The following THAP8 variants were observed in gnomAD, a reference collection of about 807,000 sequenced individuals.
The protein encoded by THAP8 is THAP domain containing 8, also known as THAP domain-containing protein 8.
A neutral mutation model predicts 25.0 loss-of-function variants in THAP8; 24 were observed. The observed-to-expected ratio is 0.96, with a 90% CI of 0.69 to 1.35. The LOEUF (loss-of-function observed/expected upper bound fraction) is 1.35. Ranked by LOEUF, THAP8 falls within the 40% of genes most tolerant of loss-of-function variation. The pLI is 0.00. For synonymous variants in THAP8, 169 were observed against 157.6 expected (o/e 1.07, Z -0.54); for missense variants, 399 against 368.8 (o/e 1.08, Z -0.67).
chr19:36,054,231 C>A lies in THAP8; in HGVS notation c.-14G>T. ...GTACTTGGGCATGGCTATCCAGCCC[C>A]CGCTGAGTTTTGCCGGGTCAGCGGC... On this transcript the variant is annotated 5_prime_UTR_variant, in exon 1 of 4. Coordinates refer to ENST00000292894, the MANE Select transcript of THAP8 (RefSeq NM_152658.3). 6.2e-7 allele frequency: 1 copy of A among 1,612,216 alleles called. No homozygotes were observed. Among genetic ancestry groups the A allele is most frequent in the Non-Finnish European group, 8.5e-7 (1 of 1,179,238 alleles).
chr19:36,041,038 C>T (rs1229441019), intron 1 of THAP8, among the ~76,000 whole-genome samples: 2 of 151,562 alleles, frequency 1.3e-5, no homozygotes, highest in Non-Finnish European at 2.9e-5. Context: ...TCAGGCATGG[C>T]GGTTCATGCC....
intron 1 of THAP8, among the ~76,000 whole-genome samples, chr19:36,047,218 A>G (rs1267243886): frequency 6.6e-6 from 1 of 152,132 alleles, no homozygotes; most frequent in Non-Finnish European, 1.5e-5. Flanking sequence ...ATACTGCTAG[A>G]AGTCCTTTTT....
intron 1 of THAP8, among the ~76,000 whole-genome samples, chr19:36,049,250 A>C (rs1173891192): frequency 6.6e-6 from 1 of 151,302 alleles, no homozygotes; most frequent in Non-Finnish European, 1.5e-5. Context: ...TGAAAAAAAC[A>C]AAAAAAAAGG....
At chr19:36,054,611 A>G (rs550625042), upstream of THAP8, 541 of 539,336 alleles carry the variant, frequency 1.0e-3, 1 homozygote, top group Non-Finnish European at 1.5e-3. Context: ...GGGCGCACAT[A>G]GTTCCTCTAG....
At chr19:36,040,598 A>G (rs1184137325) in intron 1 of THAP8, among the ~76,000 whole-genome samples, 1 of 152,094 alleles carries the variant, frequency 6.6e-6, no homozygotes, top group African/African-American at 2.4e-5. Flanking sequence ...AAGTGCTAGG[A>G]TTATAGGCAT....
rs115741060 is a variant in THAP8 at position 36,043,323 on chromosome 19, G to A, written c.84-3187C>T. Among the ~76,000 whole-genome samples, 379 of 152,236 alleles carry A rather than the reference G, an allele frequency of 2.5e-3. 2 individuals carry two copies. Among genetic ancestry groups the A allele is most frequent in the African/African-American group, 8.7e-3 (363 of 41,548 alleles). On this transcript the variant is annotated intron_variant, in intron 1 of 3. Transcript: ENST00000292894. ...TGAAATAAGCCAGTCAAATACTGAC[G>A]ATTTCACTTATATGAGGTAGAACAG... is the stretch of plus-strand genomic sequence containing the variant.
chr19:36,048,800 A>T (rs1344449283), intron 1 of THAP8, among the ~76,000 whole-genome samples: 1 of 141,662 alleles, frequency 7.1e-6, no homozygotes, highest in East Asian at 2.3e-4. Context: ...GTGAACCATG[A>T]TGGTGCTGCA....
intron 1 of THAP8, among the ~76,000 whole-genome samples, chr19:36,040,911 C>A (rs1455515893): frequency 1.3e-5 from 2 of 152,092 alleles, no homozygotes; most frequent in Non-Finnish European, 2.9e-5. Context: ...TAAGAAACAT[C>A]AGCACAAACG....
At chr19:36,038,364 G>T (rs1969552142) in intron 3 of THAP8, among the ~76,000 whole-genome samples, 1 of 151,550 alleles carries the variant, frequency 6.6e-6, no homozygotes. Flanking sequence ...TGGGCTCAAG[G>T]GATCTTCCTG....
chr19:36,039,173 G>T, intron 3 of THAP8, 150 bp downstream of exon 3: 1 of 1,156,618 alleles, frequency 8.6e-7, no homozygotes, highest in East Asian at 3.1e-5. Flanking sequence ...GGGATTACAG[G>T]CGTGAGCCAC....
intron 1 of THAP8, among the ~76,000 whole-genome samples, chr19:36,046,937 G>A (rs142714726): frequency 6.6e-6 from 1 of 152,136 alleles, no homozygotes; most frequent in Non-Finnish European, 1.5e-5. Flanking sequence ...TGGAAGGGAC[G>A]ATCAACAGGA....
chr19:36,039,192 G>T, intron 3 of THAP8, 131 bp downstream of exon 3: 1 of 1,314,946 alleles, frequency 7.6e-7, no homozygotes, highest in Non-Finnish European at 9.9e-7. Flanking sequence ...ACTGAGCCCG[G>T]GAAAGCCAGA....
Position 36,035,466 on chromosome 19 carries a change from G to C in THAP8, c.799C>G (p.Leu267Val). Reference sequence around the variant, plus strand: ...TATGCACTGGGGATCCGAGTGTCCAGGAGCTCCGGCTTGGCATCCACTGTG... The same window carrying C: ...TATGCACTGGGGATCCGAGTGTCCACGAGCTCCGGCTTGGCATCCACTGTG... ...PATVDAKPEL[L>V]DTRIPSA is the part of the protein sequence containing the mutation. The change falls in exon 4 of 4, where the codon CTG (leucine) becomes GTG (valine). Residue 267 changes from leucine to valine, a missense_variant. Leu to Val is a conservative substitution (Grantham distance 32). Transcript: ENST00000292894. 1 of 1,614,136 alleles carries C rather than the reference G, an allele frequency of 6.2e-7. No homozygotes were observed. The highest frequency in any genetic ancestry group is 8.5e-7 in the Non-Finnish European group (1 of 1,179,994).
At chr19:36,042,581 T>G (rs1969731317) in intron 1 of THAP8, among the ~76,000 whole-genome samples, 1 of 152,178 alleles carries the variant, frequency 6.6e-6, no homozygotes, top group African/African-American at 2.4e-5. Context: ...CAGTGAGCCA[T>G]GATCACATTA....
At chr19:36,041,865 GA>G (rs1305920491) in intron 1 of THAP8, among the ~76,000 whole-genome samples, 1 of 152,132 alleles carries the variant, frequency 6.6e-6, no homozygotes, top group African/African-American at 2.4e-5. Context: ...AGGATCTCCT[GA>G]AGGCAGTAGT....
intron 3 of THAP8, among the ~76,000 whole-genome samples, chr19:36,037,650 G>GT (rs1408359249): frequency 1.3e-5 from 2 of 151,908 alleles, no homozygotes; most frequent in African/African-American, 4.8e-5. Context: ...TTTTTTGTTT[G>GT]TTTTTTGAGA....
At chr19:36,035,814 C>T (rs908057558) in intron 3 of THAP8, among the ~76,000 whole-genome samples, 2 of 150,534 alleles carry the variant, frequency 1.3e-5, no homozygotes, top group African/African-American at 4.9e-5. Context: ...AAGAGAAGTG[C>T]GGGGGCACAG....
chr19:36,054,578 C>T, upstream of THAP8: 2 of 541,024 alleles, frequency 3.7e-6, no homozygotes, highest in East Asian at 3.3e-5. Context: ...CTCCACCCTA[C>T]GCCTACATCC....
At chr19:36,054,486 T>C (rs948710227), upstream of THAP8, 15 of 581,450 alleles carry the variant, frequency 2.6e-5, no homozygotes, top group Middle Eastern at 4.6e-4. Flanking sequence ...CCGACTTTCA[T>C]CACGTGTTGG....
Sources: allele counts gnomAD v4.1 joint callset (sites outside exome capture counted in the v4.1 genomes callset), GRCh38; gene constraint gnomAD v4.1.1; transcripts MANE v1.5; gene names NCBI Gene and HGNC (gene_info 2026-07-23, HGNC 2026-07-21).